The following ADAM12 variants were observed in gnomAD, a reference collection of about 807,000 sequenced individuals.
ADAM12 encodes ADAM metallopeptidase domain 12.
Under a neutral mutation model 106.4 loss-of-function variants are expected in ADAM12, and 70 were observed. The observed-to-expected ratio is 0.66, with a 90% CI of 0.54 to 0.80. The LOEUF is 0.80. Ranked by LOEUF, ADAM12 falls within the 30% of genes least tolerant of loss-of-function variation. The pLI is 0.00. For missense variants in ADAM12, 1,010 were observed against 1,171.9 expected (o/e 0.86, Z 2.02); for synonymous variants, 420 against 433.5 (o/e 0.97, Z 0.39).
At chr10:126,333,023 G>A (rs1348137761) in intron 1 of ADAM12, among the ~76,000 whole-genome samples, 1 of 152,200 alleles carries the variant, frequency 6.6e-6, no homozygotes, top group Non-Finnish European at 1.5e-5. Context: ...GGTGAAAACT[G>A]GAGATCCATC....
intron 3 of ADAM12, among the ~76,000 whole-genome samples, chr10:126,269,840 C>T: frequency 6.6e-6 from 1 of 152,228 alleles, no homozygotes; most frequent in East Asian, 1.9e-4. Flanking sequence ...AAGGACGCCA[C>T]ACTCTCAAAT....
At chr10:126,172,090 T>C (rs1005411636) in intron 3 of ADAM12, among the ~76,000 whole-genome samples, 26 of 152,200 alleles carry the variant, frequency 1.7e-4, no homozygotes, top group Non-Finnish European at 5.9e-5. Context: ...TTTTAAAAAA[T>C]ACTATTATGA....
chr10:126,384,707 C>A (rs984582180), intron 1 of ADAM12, among the ~76,000 whole-genome samples: 1 of 152,112 alleles, frequency 6.6e-6, no homozygotes, highest in African/African-American at 2.4e-5. Context: ...ATGGGAAAAA[C>A]CAAAAACCAA....
At chr10:126,280,506 G>A (rs1428534878) in intron 2 of ADAM12, among the ~76,000 whole-genome samples, 1 of 152,198 alleles carries the variant, frequency 6.6e-6, no homozygotes, top group African/African-American at 2.4e-5. Flanking sequence ...GGACAGCACA[G>A]ATATAGAGCA....
intron 11 of ADAM12, among the ~76,000 whole-genome samples, chr10:126,084,171 A>C (rs1955289572): frequency 6.6e-6 from 1 of 152,208 alleles, no homozygotes; most frequent in African/African-American, 2.4e-5. Flanking sequence ...AATTTCCCAG[A>C]ATTTTTAATA....
chr10:126,266,936 C>T (rs912757882), intron 3 of ADAM12, among the ~76,000 whole-genome samples: 3 of 152,190 alleles, frequency 2.0e-5, no homozygotes, highest in Non-Finnish European at 2.9e-5. Flanking sequence ...CAGGCTCCAC[C>T]TCCAACACTG....
At chr10:126,312,617 T>C (rs985259387) in intron 2 of ADAM12, among the ~76,000 whole-genome samples, 1 of 152,110 alleles carries the variant, frequency 6.6e-6, no homozygotes, top group Non-Finnish European at 1.5e-5. Flanking sequence ...AGAACATAAA[T>C]AGGCAGAAGT....
intron 2 of ADAM12, 116 bp downstream of exon 2, chr10:126,330,296 G>T: frequency 1.1e-6 from 1 of 871,140 alleles, no homozygotes; most frequent in Non-Finnish European, 1.8e-6. Context: ...ATTCTCTAAG[G>T]ATAGAGTTAG....
In ADAM12 at chr10:126,227,235, C is replaced by T. The variant is rs1958214027; in HGVS notation, c.260+51680G>A. ...TCACCATCATGCCCACCACTATTAC[C>T]ATGATTACCACATCATCACCATCGC... On this transcript the variant is annotated intron_variant, in intron 3 of 22. Transcript: ENST00000448723. Among the ~76,000 whole-genome samples, 4 of 152,094 alleles carry T rather than the reference C, an allele frequency of 2.6e-5. No homozygotes were observed. The South Asian group carries it at 8.3e-4, about 32-fold the overall frequency.
At chr10:126,055,371 CATT>C (rs1320177792) in intron 14 of ADAM12, among the ~76,000 whole-genome samples, 1 of 152,168 alleles carries the variant, frequency 6.6e-6, no homozygotes, top group Non-Finnish European at 1.5e-5. Flanking sequence ...ATTTTCCTGT[CATT>C]ACTCTCCTTG....
At chr10:126,197,685 G>T (rs1017562675) in intron 3 of ADAM12, among the ~76,000 whole-genome samples, 4 of 152,242 alleles carry the variant, frequency 2.6e-5, no homozygotes, top group Admixed American at 1.3e-4. Context: ...TGGCATGCAG[G>T]AGCCTGCCTG....
At chr10:126,152,959 C>A (rs2133717282) in intron 4 of ADAM12, among the ~76,000 whole-genome samples, 1 of 152,174 alleles carries the variant, frequency 6.6e-6, no homozygotes, top group East Asian at 1.9e-4. Context: ...AATTTGGTCA[C>A]TGTTGCAACA....
chr10:126,204,516 C>G (rs138203667), intron 3 of ADAM12, among the ~76,000 whole-genome samples: 498 of 152,336 alleles, frequency 3.3e-3, no homozygotes, highest in African/African-American at 5.6e-3. Context: ...TCACATGGAA[C>G]AGAAAGCAGA....
chr10:126,238,905 T>C (rs977301189), intron 3 of ADAM12, among the ~76,000 whole-genome samples: 7 of 152,326 alleles, frequency 4.6e-5, no homozygotes, highest in South Asian at 2.1e-4. Flanking sequence ...GTCTTTCTTT[T>C]TTATAAAGAG....
intron 2 of ADAM12, among the ~76,000 whole-genome samples, chr10:126,280,644 T>G (rs909680509): frequency 2.0e-5 from 3 of 152,206 alleles, no homozygotes; most frequent in African/African-American, 4.8e-5. Flanking sequence ...GAGGTAAAAT[T>G]AGGTACAAAC....
In ADAM12 at chr10:126,056,626, T is replaced by TATCCA. The variant is rs1158928932; in HGVS notation, c.1610-6958_1610-6957insTGGAT. ...GAGCCCTGTTTACAATGCTTACTCT[T>TATCCA]GAGTGTGATATTCCCCTTCCTGTGT... On this transcript the variant is annotated intron_variant, in intron 14 of 22. Transcript: ENST00000448723. 2.1e-4 allele frequency among the ~76,000 whole-genome samples: 22 copies of TATCCA among 104,116 alleles called. 1 individual carries two copies. Among genetic ancestry groups the TATCCA allele is most frequent in the South Asian group, 1.0e-3 (3 of 2,888 alleles). The allele number at this position is 104,116 out of a possible 152,430, so 68.3% of individuals were successfully genotyped here.
Position 126,109,852 on chromosome 10 carries a change from A to G in ADAM12, c.604-12T>C, listed in dbSNP as rs1955838063. The G allele has an allele frequency of 1.2e-6, 2 of 1,611,578 alleles. No individual in the cohort carries two copies. Among genetic ancestry groups the G allele is most frequent in the African/African-American group, 2.7e-5 (2 of 74,844 alleles). On this transcript the variant is annotated splice_polypyrimidine_tract_variant and intron_variant, in intron 6 of 22. Transcript: ENST00000448723. ...GTCTCTCTTTTATGCTGCCAAGAGT[A>G]AACATGCACTTAATCTCTCTTAATG...
At chr10:126,026,431 T>TGTTA (rs1413767504) in intron 21 of ADAM12, among the ~76,000 whole-genome samples, 1 of 152,202 alleles carries the variant, frequency 6.6e-6, no homozygotes, top group African/African-American at 2.4e-5. Context: ...CAAGTGGATC[T>TGTTA]GTTATACAAC....
At chr10:126,384,212 C>T (rs1856581746) in intron 1 of ADAM12, among the ~76,000 whole-genome samples, 1 of 152,142 alleles carries the variant, frequency 6.6e-6, no homozygotes, top group African/African-American at 2.4e-5. Flanking sequence ...ACCAGTTACA[C>T]CAGCCACCAA....
Sources: gnomAD v4.1 joint callset for allele counts (sites outside exome capture counted in the v4.1 genomes callset) on GRCh38, gnomAD v4.1.1 for gene constraint, MANE v1.5 for transcripts, NCBI Gene and HGNC (gene_info 2026-07-23, HGNC 2026-07-21) for gene names.